The following VPS13D variants were observed in gnomAD, a reference collection of about 807,000 sequenced individuals.
VPS13D encodes the protein intermembrane lipid transfer protein VPS13D.
A neutral mutation model predicts 461.9 loss-of-function variants in VPS13D; 187 were observed. The ratio of observed to expected loss-of-function variants is 0.40; its 90% CI spans 0.36 to 0.46. VPS13D has a LOEUF of 0.46. VPS13D is among the 20% of genes least tolerant of loss of function. The pLI, the probability that VPS13D is intolerant of heterozygous loss-of-function variation, is 0.60. For synonymous variants in VPS13D, 1,951 were observed against 1,986.3 expected (o/e 0.98, Z 0.47); for missense variants, 4,711 against 5,364.9 (o/e 0.88, Z 3.81).
intron 24 of VPS13D, among the ~76,000 whole-genome samples, chr1:12,294,789 C>T (rs765084079): frequency 1.3e-5 from 2 of 152,000 alleles, no homozygotes; most frequent in South Asian, 2.1e-4. Flanking sequence ...TCCAGTCTGG[C>T]GACAGAGCGA....
At chr1:12,319,051 G>C (rs1642962661) in intron 31 of VPS13D, among the ~76,000 whole-genome samples, 1 of 152,126 alleles carries the variant, frequency 6.6e-6, no homozygotes, top group Non-Finnish European at 1.5e-5. Flanking sequence ...ATATTAAATT[G>C]GTCTGTTCTT....
intron 52 of VPS13D, among the ~76,000 whole-genome samples, chr1:12,363,662 A>G (rs568481780): frequency 1.3e-5 from 2 of 152,334 alleles, no homozygotes; most frequent in African/African-American, 4.8e-5. Flanking sequence ...CTTGTTAAGA[A>G]AAATTAACCA....
chr1:12,395,493 T>C (rs1053885001), intron 60 of VPS13D, among the ~76,000 whole-genome samples: 18 of 152,304 alleles, frequency 1.2e-4, no homozygotes, highest in Admixed American at 4.6e-4. Flanking sequence ...TGTCTGTTTT[T>C]CCACAATTTC....
At chr1:12,460,945 C>T (rs748876372) in intron 67 of VPS13D, among the ~76,000 whole-genome samples, 4 of 152,122 alleles carry the variant, frequency 2.6e-5, no homozygotes, top group Non-Finnish European at 4.4e-5. Flanking sequence ...CACCCCCCAT[C>T]CCCCCAGCAG....
intron 60 of VPS13D, among the ~76,000 whole-genome samples, chr1:12,397,896 C>T (rs1308874795): frequency 6.6e-6 from 1 of 152,180 alleles, no homozygotes; most frequent in Admixed American, 6.5e-5. Context: ...GACTTGCCCA[C>T]ATTTTAGAAA....
chr1:12,295,651 T>C (rs1642255768), intron 24 of VPS13D, among the ~76,000 whole-genome samples: 2 of 152,230 alleles, frequency 1.3e-5, no homozygotes, highest in South Asian at 4.1e-4. Flanking sequence ...TTTCTTTCTT[T>C]AACAACTCAA....
intron 22 of VPS13D, among the ~76,000 whole-genome samples, chr1:12,289,919 G>C (rs1002123321): frequency 6.6e-6 from 1 of 152,096 alleles, no homozygotes; most frequent in African/African-American, 2.4e-5. Flanking sequence ...CTGGGCGACA[G>C]AGTGAGACCC....
At chr1:12,267,097 G>T in intron 14 of VPS13D, 86 bp downstream of exon 14, 1 of 1,355,128 alleles carries the variant, frequency 7.4e-7, no homozygotes. Context: ...GATTCATTCT[G>T]ACATTTGATC....
chr1:12,258,002 T>C lies in VPS13D; in HGVS notation c.1009T>C (p.Cys337Arg), dbSNP rs773711670. ...TGAGATCAGAGAGCAGAGGAAACGT[T>C]GCACCTGGGACTTTATGTTGCACCG... ...LYEIREQRKR[C>R]TWDFMLHRAR... Residue 337 changes from cysteine to arginine, a missense_variant, in exon 10 of 70, where the codon TGC (cysteine) becomes CGC (arginine). Coordinates refer to ENST00000620676, the MANE Select transcript of VPS13D (RefSeq NM_015378.4). The C allele has an allele frequency of 5.6e-6, 9 of 1,614,122 alleles. No individual in the cohort carries two copies. In the East Asian group the frequency reaches 1.6e-4, roughly 28 times the overall value.
chr1:12,299,123 CTT>C lies in VPS13D; in HGVS notation c.6034-76_6034-75del, dbSNP rs1159551226. ...TTAATTGTTTTATAAACTCACGAAA[CTT>C]TTGGGAACCTGAGGTTATTTGGTGG... On this transcript the variant is annotated intron_variant, in intron 24 of 69. Coordinates refer to ENST00000620676, the MANE Select transcript of VPS13D (RefSeq NM_015378.4). This position sits in a 1 kb window ranked among gnomAD's most constrained non-coding sequence, Gnocchi z 4.2. The C allele has an allele frequency of 4.4e-5, 62 of 1,408,168 alleles. No individual in the cohort carries two copies. The highest frequency in any genetic ancestry group is 5.7e-5 in the Non-Finnish European group (60 of 1,049,958). The allele number at this position is 1,408,168 out of a possible 1,614,324, so 87.2% of individuals were successfully genotyped here. A position where few individuals can be genotyped will look rare whatever the true frequency, so the allele number is the denominator to read the frequency against.
intron 13 of VPS13D, among the ~76,000 whole-genome samples, 175 bp from the exon 14 acceptor site, chr1:12,266,706 G>A (rs567356457): frequency 2.5e-4 from 38 of 152,208 alleles, no homozygotes; most frequent in East Asian, 1.2e-3. Context: ...AACCAAACCC[G>A]CAATATCTCC....
chr1:12,489,097 T>C (rs931757172), intron 67 of VPS13D, among the ~76,000 whole-genome samples: 3 of 152,340 alleles, frequency 2.0e-5, no homozygotes, highest in African/African-American at 7.2e-5. Context: ...ATCTATTTTC[T>C]TGGAATTCTT....
At chr1:12,354,501 A>G (rs1643869194) in intron 47 of VPS13D, among the ~76,000 whole-genome samples, 1 of 152,116 alleles carries the variant, frequency 6.6e-6, no homozygotes, top group South Asian at 2.1e-4. Context: ...GCTACTGCCC[A>G]CCAGCCTGAG....
chr1:12,291,160 A>G (rs2101422720), intron 23 of VPS13D, 36 bp downstream of exon 23: 1 of 1,594,846 alleles, frequency 6.3e-7, no homozygotes, highest in East Asian at 2.2e-5. Flanking sequence ...TTGATATTTT[A>G]TCATAATACT....
In VPS13D at chr1:12,276,117, G is replaced by A. The variant is rs1236545254; in HGVS notation, c.2529G>A (p.Val843=). 1.9e-6 allele frequency: 3 copies of A among 1,614,072 alleles called. No homozygotes were observed. Among genetic ancestry groups the A allele is most frequent in the Admixed American group, 3.3e-5 (2 of 60,006 alleles). The stretch of plus-strand genomic sequence containing the variant: ...GGAAGCATGTCCAGGATATTGACGT[G>A]GGACCAACACATGTGGTAGAGAAGT... ...DNWKHVQDID[V]GPTHVVEKFN... The change falls in exon 19 of 70, where the codon GTG becomes GTA. Residue 843 remains valine (V), a synonymous_variant. Transcript: ENST00000620676. This position sits in a 1 kb window ranked among gnomAD's most constrained non-coding sequence, Gnocchi z 4.5.
At chr1:12,399,859 T>A (rs1644551005) in intron 60 of VPS13D, among the ~76,000 whole-genome samples, 1 of 152,094 alleles carries the variant, frequency 6.6e-6, no homozygotes, top group Non-Finnish European at 1.5e-5. Flanking sequence ...GTGTACAACA[T>A]GATGTTTGGA....
At chr1:12,501,534 A>G (rs1179859950) in intron 68 of VPS13D, among the ~76,000 whole-genome samples, 1 of 152,226 alleles carries the variant, frequency 6.6e-6, no homozygotes, top group African/African-American at 2.4e-5. Context: ...CAACTTTCCT[A>G]CTGGTAACAT....
At chr1:12,446,000 C>G (rs1335505772) in intron 65 of VPS13D, among the ~76,000 whole-genome samples, 3 of 152,192 alleles carry the variant, frequency 2.0e-5, no homozygotes, top group African/African-American at 7.2e-5. Context: ...GTAGCTTTCC[C>G]AAAATGCAGG....
chr1:12,475,722 C>T (rs1196498498), intron 67 of VPS13D, among the ~76,000 whole-genome samples: 2 of 152,210 alleles, frequency 1.3e-5, no homozygotes, highest in Non-Finnish European at 2.9e-5. Context: ...TGGCCCCAGA[C>T]ATACATAGCA....
Sources: gnomAD v4.1 joint callset for allele counts (sites outside exome capture counted in the v4.1 genomes callset) on GRCh38, gnomAD v4.1.1 for gene constraint, Gnocchi (gnomAD v3.1) non-coding constraint, MANE v1.5 for transcripts, NCBI Gene and HGNC (gene_info 2026-07-23, HGNC 2026-07-21) for gene names.